Variants in RSRC1 observed in about 807,000 individuals in gnomAD.
RSRC1 encodes serine/Arginine-related protein 53.
Under a neutral mutation model 49.1 loss-of-function variants are expected in RSRC1, and 39 were observed. That is an observed-to-expected ratio of 0.79 (90% CI 0.61 to 1.04). The LOEUF is 1.04. Ranked by LOEUF, RSRC1 falls within the 50% of genes least tolerant of loss-of-function variation. The probability of loss-of-function intolerance (pLI) is 0.00; values close to 1 mark genes in which losing one functional copy is unlikely to be tolerated. For synonymous variants in RSRC1, 143 were observed against 130.8 expected, an observed-to-expected ratio of 1.09 and a Z score of -0.63; for missense variants, 388 against 402.4, an observed-to-expected ratio of 0.96 and a Z score of 0.31.
rs917740886 is a variant in RSRC1 at position 158,537,177 on chromosome 3, A to T, written c.738A>T (p.Arg246Ser). 6.3e-7 allele frequency: 1 copy of T among 1,593,296 alleles called. No homozygotes were observed. The highest frequency in any genetic ancestry group is 1.8e-5 in the Admixed American group (1 of 56,164). Residue 246 changes from arginine to serine, a missense_variant, in exon 8 of 10, where the codon AGA becomes AGT. Coordinates refer to ENST00000611884, the MANE Select transcript of RSRC1 (RefSeq NM_001271838.2). ...ESDSFVQQTF[R>S]SSKEVKKSVE... Reference sequence around the variant, plus strand: ...ATTCTTTTGTTCAGCAGACATTCAGATCAAGTAAAGAAGTCAAAAAGGTAA... The same window carrying T: ...ATTCTTTTGTTCAGCAGACATTCAGTTCAAGTAAAGAAGTCAAAAAGGTAA...
At chr3:158,340,725 T>TG (rs1433109058) in intron 5 of RSRC1, among the ~76,000 whole-genome samples, 1 of 152,018 alleles carries the variant, frequency 6.6e-6, no homozygotes, top group Non-Finnish European at 1.5e-5. Context: ...ACCAATAGAA[T>TG]GGGGTGTTGC....
chr3:158,222,192 C>T (rs1040415685), intron 4 of RSRC1, among the ~76,000 whole-genome samples: 1 of 151,458 alleles, frequency 6.6e-6, no homozygotes, highest in African/African-American at 2.4e-5. Context: ...TTGTGGGGGA[C>T]TATGCTGATA....
At chr3:158,441,830 A>G (rs1034564207) in intron 6 of RSRC1, among the ~76,000 whole-genome samples, 3 of 152,106 alleles carry the variant, frequency 2.0e-5, no homozygotes, top group African/African-American at 4.8e-5. Flanking sequence ...CAACAAACTT[A>G]CAGTATGCTC....
At chr3:158,487,672 C>T (rs887073628) in intron 7 of RSRC1, among the ~76,000 whole-genome samples, 1 of 151,954 alleles carries the variant, frequency 6.6e-6, no homozygotes, top group African/African-American at 2.4e-5. Context: ...AAAAAACTGG[C>T]CAGGCAGTGG....
At chr3:158,247,173 C>T (rs1404519681) in intron 4 of RSRC1, among the ~76,000 whole-genome samples, 3 of 152,104 alleles carry the variant, frequency 2.0e-5, no homozygotes, top group Non-Finnish European at 4.4e-5. Context: ...TCCATTCTGC[C>T]ATTAATACTG....
chr3:158,301,581 C>G (rs1055062578), intron 5 of RSRC1, among the ~76,000 whole-genome samples: 2 of 152,130 alleles, frequency 1.3e-5, no homozygotes, highest in African/African-American at 2.4e-5. Flanking sequence ...AACACCAATA[C>G]TGTTACTCAT....
chr3:158,160,181 T>C (rs545898793), intron 3 of RSRC1, among the ~76,000 whole-genome samples: 1 of 152,290 alleles, frequency 6.6e-6, no homozygotes, highest in Non-Finnish European at 1.5e-5. Context: ...TGAAGTCTTT[T>C]AAGATGAATG....
Position 158,229,036 on chromosome 3 carries a change from A to G in RSRC1, c.494+25791A>G, listed in dbSNP as rs1335472112. ...AACACACATACGTGTATATGTGTGT[A>G]TAAACACACATACGTGTATATGTGT... On this transcript the variant is annotated intron_variant, in intron 4 of 9. Transcript: ENST00000611884. Among the ~76,000 whole-genome samples, 10 of 86,564 alleles carry G rather than the reference A, an allele frequency of 1.2e-4. 2 individuals are homozygous for G. Among genetic ancestry groups the G allele is most frequent in the Non-Finnish European group, 1.8e-4 (7 of 39,244 alleles). The allele number at this position is 86,564 out of a possible 152,430, so 56.8% of individuals were successfully genotyped here.
chr3:158,415,029 C>T (rs985664744), intron 6 of RSRC1, among the ~76,000 whole-genome samples: 41 of 152,228 alleles, frequency 2.7e-4, no homozygotes, highest in African/African-American at 9.6e-4. Context: ...TCTTCTAAAA[C>T]TCCCACAATC....
intron 6 of RSRC1, among the ~76,000 whole-genome samples, chr3:158,380,006 AACC>A (rs1732616964): frequency 6.6e-6 from 1 of 151,640 alleles, no homozygotes; most frequent in Admixed American, 6.6e-5. Flanking sequence ...CAGCACCAAG[AACC>A]TACACATCAT....
intron 6 of RSRC1, among the ~76,000 whole-genome samples, chr3:158,397,943 TA>T: frequency 6.6e-6 from 1 of 152,070 alleles, no homozygotes; most frequent in East Asian, 1.9e-4. Flanking sequence ...TCAGAAATAA[TA>T]TGAGGTTCAG....
intron 4 of RSRC1, among the ~76,000 whole-genome samples, chr3:158,256,621 A>G (rs1724576671): frequency 6.6e-6 from 1 of 152,014 alleles, no homozygotes; most frequent in Non-Finnish European, 1.5e-5. Flanking sequence ...TTTTCTATTG[A>G]TTGGAATGGT....
At chr3:158,205,275 C>G (rs556331948) in intron 4 of RSRC1, among the ~76,000 whole-genome samples, 1 of 152,196 alleles carries the variant, frequency 6.6e-6, no homozygotes. Context: ...GAGGTGCACA[C>G]AGATTCTTAT....
At chr3:158,479,670 T>A (rs1738530454) in intron 7 of RSRC1, among the ~76,000 whole-genome samples, 1 of 152,014 alleles carries the variant, frequency 6.6e-6, no homozygotes. Context: ...TTTCAATATT[T>A]GATGATAATA....
chr3:158,180,097 T>G (rs1264610463), intron 3 of RSRC1, among the ~76,000 whole-genome samples: 2 of 152,126 alleles, frequency 1.3e-5, no homozygotes, highest in African/African-American at 4.8e-5. Flanking sequence ...TTGTTGTTGT[T>G]TTTTACTATT....
intron 4 of RSRC1, among the ~76,000 whole-genome samples, chr3:158,246,512 G>A (rs926731500): frequency 4.6e-5 from 7 of 152,044 alleles, no homozygotes; most frequent in African/African-American, 1.7e-4. Context: ...TGTTGTTGCT[G>A]GTAATAGTTT....
intron 4 of RSRC1, among the ~76,000 whole-genome samples, chr3:158,205,553 G>A (rs1721298340): frequency 1.3e-5 from 2 of 152,052 alleles, no homozygotes; most frequent in Admixed American, 1.3e-4. Flanking sequence ...AACATGTGTA[G>A]AAGGGAAGAT....
chr3:158,200,334 G>A (rs1026783517), intron 3 of RSRC1, among the ~76,000 whole-genome samples: 1 of 152,142 alleles, frequency 6.6e-6, no homozygotes, highest in East Asian at 1.9e-4. Context: ...TACCACGCCC[G>A]GCCTGGCCAT....
At chr3:158,496,174 A>G (rs1213262223) in intron 7 of RSRC1, among the ~76,000 whole-genome samples, 1 of 152,092 alleles carries the variant, frequency 6.6e-6, no homozygotes, top group Non-Finnish European at 1.5e-5. Flanking sequence ...CACAAAATTT[A>G]CTCTATGAAT....
Sources: gnomAD v4.1 joint callset for allele counts (sites outside exome capture counted in the v4.1 genomes callset) on GRCh38, gnomAD v4.1.1 for gene constraint, MANE v1.5 for transcripts, NCBI Gene and HGNC (gene_info 2026-07-23, HGNC 2026-07-21) for gene names.